Variants in TUSC3 observed in about 807,000 individuals in gnomAD.
TUSC3 encodes dolichyl-diphosphooligosaccharide--protein glycosyltransferase subunit TUSC3.
A neutral mutation model predicts 44.8 loss-of-function variants in TUSC3; 45 were observed. The observed-to-expected ratio is 1.00, with a 90% CI of 0.79 to 1.29. The LOEUF (loss-of-function observed/expected upper bound fraction) is 1.29, where lower values mean the gene tolerates loss of function less well. TUSC3 is among the 50% of genes most tolerant of loss of function. The pLI is 0.00. For synonymous variants in TUSC3, 212 were observed against 152.9 expected, an observed-to-expected ratio of 1.39 and a Z score of -2.85; for missense variants, 519 against 437.9, an observed-to-expected ratio of 1.19 and a Z score of -1.65.
chr8:15,460,637 T>G (rs867251489), intron 1 of TUSC3, among the ~76,000 whole-genome samples: 3 of 152,220 alleles, frequency 2.0e-5, no homozygotes, highest in Non-Finnish European at 2.9e-5. Flanking sequence ...TCCAATATTA[T>G]TTTCTAGAGT....
At chr8:15,573,194 CTCTCTCTCTATATATA>C (rs1334963121) in intron 1 of TUSC3, among the ~76,000 whole-genome samples, 19 of 104,742 alleles carry the variant, frequency 1.8e-4, no homozygotes, top group Admixed American at 5.0e-4. Context: ...CTCTCTCTCT[CTCTCTCTCTATATATA>C]TATATATATA....
intron 1 of TUSC3, among the ~76,000 whole-genome samples, chr8:15,602,293 A>T (rs1364557173): frequency 6.6e-6 from 1 of 151,638 alleles, no homozygotes; most frequent in Non-Finnish European, 1.5e-5. Flanking sequence ...AGAACTATTT[A>T]GCTTTTGTGG....
chr8:15,812,975 T>C, the TUSC3 span, among the ~76,000 whole-genome samples: 1 of 151,844 alleles, frequency 6.6e-6, no homozygotes, highest in Non-Finnish European at 1.5e-5. Flanking sequence ...GTGACTGTAG[T>C]CCCAGCTACT....
At chr8:15,771,975 G>C in the TUSC3 span, among the ~76,000 whole-genome samples, 1 of 152,194 alleles carries the variant, frequency 6.6e-6, no homozygotes, top group Middle Eastern at 3.4e-3. Flanking sequence ...TGTAGTCCCA[G>C]CTACCTGGGA....
At chr8:15,648,843 A>G (rs1217698663) in intron 2 of TUSC3, among the ~76,000 whole-genome samples, 1 of 151,054 alleles carries the variant, frequency 6.6e-6, no homozygotes, top group Non-Finnish European at 1.5e-5. Context: ...CTCTCCTGTA[A>G]CAGTCACCTG....
chr8:15,608,492 C>T lies in TUSC3; in HGVS notation c.139-14588C>T, dbSNP rs111993749. On this transcript the variant is annotated intron_variant, in intron 1 of 10. Transcript: ENST00000503731. ...TGAAGTGTGATGTAAGAAGTTTCTT[C>T]GGAGATTTTTACCTTTGTATATTGA... Among the ~76,000 whole-genome samples the T allele has an allele frequency of 5.6e-3, 859 of 152,112 alleles. 7 individuals carry two copies. Among genetic ancestry groups the T allele is most frequent in the African/African-American group, 0.02 (814 of 41,486 alleles).
chr8:15,569,795 T>G (rs763525694), intron 1 of TUSC3, among the ~76,000 whole-genome samples: 2 of 152,132 alleles, frequency 1.3e-5, no homozygotes, highest in Non-Finnish European at 2.9e-5. Flanking sequence ...CCTTGTCTGT[T>G]TGTATTCAAA....
At chr8:15,609,029 A>T (rs1047812143) in intron 1 of TUSC3, among the ~76,000 whole-genome samples, 2 of 152,152 alleles carry the variant, frequency 1.3e-5, no homozygotes, top group Non-Finnish European at 2.9e-5. Context: ...AGTACATTTA[A>T]AACTTTGCTC....
intron 1 of TUSC3, among the ~76,000 whole-genome samples, chr8:15,586,020 G>T (rs1221966281): frequency 6.6e-6 from 1 of 152,178 alleles, no homozygotes; most frequent in Non-Finnish European, 1.5e-5. Context: ...AGGTTGAGGA[G>T]TAGTCAGGGA....
intron 2 of TUSC3, among the ~76,000 whole-genome samples, chr8:15,487,291 T>G (rs1800745807): frequency 6.6e-6 from 1 of 152,232 alleles, no homozygotes; most frequent in Non-Finnish European, 1.5e-5. Context: ...TTTCAAAGCT[T>G]CTGAGTATCT....
In TUSC3 at chr8:15,492,452, G is replaced by C. The variant is rs551878118; in HGVS notation, n.189+8969G>C. 4.1e-4 allele frequency among the ~76,000 whole-genome samples: 62 copies of C among 152,294 alleles called. 1 individual carries two copies. Among genetic ancestry groups the C allele is most frequent in the African/African-American group, 1.5e-3 (61 of 41,564 alleles). ...CAAGATTAAAGTCAGTAGGGGGAAA[G>C]TCACAAATATCCTCATTTGTTTTCA... On this transcript the variant is annotated intron_variant and non_coding_transcript_variant, in intron 2 of 5. Transcript: ENST00000503191.
At chr8:15,448,438 G>A (rs1314284574) in intron 1 of TUSC3, among the ~76,000 whole-genome samples, 1 of 152,004 alleles carries the variant, frequency 6.6e-6, no homozygotes, top group Non-Finnish European at 1.5e-5. Context: ...AATTTATACT[G>A]ATAAAAGGTG....
intron 1 of TUSC3, among the ~76,000 whole-genome samples, chr8:15,470,796 A>G (rs1443172895): frequency 6.6e-6 from 1 of 152,004 alleles, no homozygotes; most frequent in East Asian, 1.9e-4. Flanking sequence ...TCATGTCCCA[A>G]AGATTCAGGA....
rs1243678250 is a variant in TUSC3 at position 15,764,445 on chromosome 8, T to G, written c.*289T>G. 2 of 482,840 alleles carry G rather than the reference T, an allele frequency of 4.1e-6. No homozygotes were observed. Among genetic ancestry groups the G allele is most frequent in the Non-Finnish European group, 7.7e-6 (2 of 259,014 alleles). 29.9% of individuals were successfully genotyped at this position (482,840 alleles called of 1,614,324 possible). The stretch of plus-strand genomic sequence containing the variant: ...TGTTTTTCAAGCCTGTTATATTCAG[T>G]GTGTGCCACAGGATTGAAATAAATG... On this transcript the variant is annotated 3_prime_UTR_variant, in exon 11 of 11. Transcript: ENST00000503731.
chr8:15,605,912 A>G (rs1464985655), intron 1 of TUSC3, among the ~76,000 whole-genome samples: 1 of 152,038 alleles, frequency 6.6e-6, no homozygotes, highest in Non-Finnish European at 1.5e-5. Context: ...TAAGTGTTGC[A>G]GTAGCCACTT....
chr8:15,804,726 C>T, the TUSC3 span, among the ~76,000 whole-genome samples: 1 of 152,126 alleles, frequency 6.6e-6, no homozygotes. Flanking sequence ...TTATTATCAC[C>T]TCAGAGTATA....
Position 15,504,578 on chromosome 8 carries a change from GATATATAT to G in TUSC3, n.189+21132_189+21139del, listed in dbSNP as rs1158864721. 9.2e-3 allele frequency among the ~76,000 whole-genome samples: 306 copies of G among 33,352 alleles called. 2 individuals carry two copies. The highest frequency in any genetic ancestry group is 0.013 in the South Asian group (7 of 558). The allele number at this position is 33,352 out of a possible 152,430, so 21.9% of individuals were successfully genotyped here. A position where few individuals can be genotyped will look rare whatever the true frequency, so the allele number is the denominator to read the frequency against. ...TAATCCTATTAAAGGCAACTTTCAG[GATATATAT>G]ATATATATATATATATATATATATA... is the stretch of plus-strand genomic sequence containing the variant. On this transcript the variant is annotated intron_variant and non_coding_transcript_variant, in intron 2 of 5. Transcript: ENST00000503191.
At chr8:15,690,354 G>C (rs1030200120) in intron 6 of TUSC3, among the ~76,000 whole-genome samples, 6 of 145,914 alleles carry the variant, frequency 4.1e-5, no homozygotes, top group African/African-American at 1.5e-4. Context: ...TTTAAAGGGA[G>C]TTTTTTTTTT....
At chr8:15,746,415 T>C (rs1214244162) in intron 8 of TUSC3, among the ~76,000 whole-genome samples, 1 of 152,128 alleles carries the variant, frequency 6.6e-6, no homozygotes, top group Non-Finnish European at 1.5e-5. Context: ...TTTTTATTTT[T>C]GATGTGGCAC....
Sources: allele counts gnomAD v4.1 joint callset (sites outside exome capture counted in the v4.1 genomes callset), GRCh38; gene constraint gnomAD v4.1.1; transcripts MANE v1.5; gene names NCBI Gene and HGNC (gene_info 2026-07-23, HGNC 2026-07-21).